The following RASA3 variants were observed in gnomAD, a reference collection of about 807,000 sequenced individuals.
The protein encoded by RASA3 is ras GTPase-activating protein 3.
RASA3 carries 73 observed loss-of-function variants against 110.0 expected under a neutral mutation model. That is an observed-to-expected ratio of 0.66 (90% CI 0.55 to 0.81). RASA3 has a LOEUF of 0.81. Among genes scored for constraint, RASA3 ranks in the 30% least tolerant of loss-of-function variants. The pLI is 0.00. For missense variants in RASA3, 976 were observed against 1,113.2 expected (o/e 0.88, Z 1.75); for synonymous variants, 500 against 451.4 (o/e 1.11, Z -1.37).
intron 1 of RASA3, among the ~76,000 whole-genome samples, chr13:114,117,312 G>A (rs1298854067): frequency 8.6e-6 from 1 of 116,638 alleles, no homozygotes; most frequent in African/African-American, 3.1e-5. Flanking sequence ...TGTGTGAGGG[G>A]TGCACGTGTG....
At chr13:114,051,601 A>C (rs2079147529) in intron 3 of RASA3, among the ~76,000 whole-genome samples, 1 of 152,058 alleles carries the variant, frequency 6.6e-6, no homozygotes, top group Non-Finnish European at 1.5e-5. Flanking sequence ...TGCCCCAAAA[A>C]CCAGGGGGAA....
At chr13:114,126,570 A>G (rs1455274156) in intron 1 of RASA3, among the ~76,000 whole-genome samples, 1 of 152,184 alleles carries the variant, frequency 6.6e-6, no homozygotes, top group East Asian at 1.9e-4. Flanking sequence ...AACCAAAAAC[A>G]AAAGCCACCT....
At chr13:114,041,846 G>A (rs1479062883) in intron 3 of RASA3, among the ~76,000 whole-genome samples, 1 of 152,158 alleles carries the variant, frequency 6.6e-6, no homozygotes, top group Non-Finnish European at 1.5e-5. Flanking sequence ...TGGGACCCCT[G>A]GAGAGCCTGA....
chr13:113,982,224 A>G (rs890653275), intron 22 of RASA3, among the ~76,000 whole-genome samples: 3 of 152,190 alleles, frequency 2.0e-5, no homozygotes, highest in African/African-American at 7.2e-5. Context: ...AGGAGGAGAG[A>G]CACCTGCAGC....
intron 4 of RASA3, among the ~76,000 whole-genome samples, chr13:114,039,124 C>T (rs2139451064): frequency 6.6e-6 from 1 of 152,356 alleles, no homozygotes; most frequent in East Asian, 1.9e-4. Flanking sequence ...GCCTGGCGGC[C>T]TGTGCTGGGA....
At chr13:114,094,035 T>A (rs2079916198) in intron 1 of RASA3, among the ~76,000 whole-genome samples, 1 of 152,184 alleles carries the variant, frequency 6.6e-6, no homozygotes, top group Non-Finnish European at 1.5e-5. Flanking sequence ...ATCTCCATCA[T>A]CATGTTAGGG....
At chr13:114,049,346 T>C (rs2139537020) in intron 3 of RASA3, among the ~76,000 whole-genome samples, 1 of 152,304 alleles carries the variant, frequency 6.6e-6, no homozygotes, top group East Asian at 1.9e-4. Flanking sequence ...CCCATTTTCA[T>C]AGCTGCGAAA....
chr13:114,039,646 A>G (rs1035580597), intron 4 of RASA3, among the ~76,000 whole-genome samples: 4 of 152,154 alleles, frequency 2.6e-5, no homozygotes, highest in Non-Finnish European at 5.9e-5. Flanking sequence ...GTGACCCCAC[A>G]GGAGCTGGTG....
chr13:114,071,804 A>G (rs1285209517), intron 2 of RASA3, among the ~76,000 whole-genome samples: 1 of 152,228 alleles, frequency 6.6e-6, no homozygotes, highest in Admixed American at 6.5e-5. Flanking sequence ...CAGTCTCTCC[A>G]GGGCAGGAGA....
intron 21 of RASA3, among the ~76,000 whole-genome samples, chr13:113,995,142 G>A (rs1188183826): frequency 6.6e-6 from 1 of 152,246 alleles, no homozygotes; most frequent in Non-Finnish European, 1.5e-5. Context: ...TTCTCATGGA[G>A]ATAAATGGCC....
chr13:114,107,348 G>A (rs879458278), intron 1 of RASA3, among the ~76,000 whole-genome samples: 19 of 144,020 alleles, frequency 1.3e-4, no homozygotes, highest in Non-Finnish European at 2.4e-4. Context: ...CCTGACCCTC[G>A]CGGGGGACGG....
At chr13:114,070,572 CA>C (rs2079553877) in intron 2 of RASA3, among the ~76,000 whole-genome samples, 1 of 152,216 alleles carries the variant, frequency 6.6e-6, no homozygotes, top group African/African-American at 2.4e-5. Context: ...CACAGCCCTC[CA>C]AATGGACAGG....
At chr13:114,013,399 T>TCCCTCTCTCTGTG in intron 14 of RASA3, 151 bp from the exon 15 acceptor site, 1 of 103,106 alleles carries the variant, frequency 9.7e-6, no homozygotes, top group Non-Finnish European at 1.6e-5. Flanking sequence ...CTCTCTCTGT[T>TCCCTCTCTCTGTG]TCCCTCTCTC....
intron 2 of RASA3, among the ~76,000 whole-genome samples, chr13:114,067,973 G>A (rs1351074856): frequency 6.6e-6 from 1 of 152,186 alleles, no homozygotes; most frequent in Non-Finnish European, 1.5e-5. Context: ...TTTTGTCTGC[G>A]TATCCAGATC....
intron 1 of RASA3, among the ~76,000 whole-genome samples, chr13:114,106,558 C>T (rs1007073582): frequency 2.0e-5 from 3 of 152,192 alleles, no homozygotes; most frequent in Non-Finnish European, 4.4e-5. Flanking sequence ...TAATTCGGAG[C>T]TTTGTAAATA....
intron 2 of RASA3, among the ~76,000 whole-genome samples, chr13:114,064,950 C>T (rs1490453043): frequency 6.6e-6 from 1 of 152,256 alleles, no homozygotes. Context: ...CACGCAGCAG[C>T]CTCTCCCTCT....
At chr13:114,028,676 G>A (rs1285321626) in intron 5 of RASA3, among the ~76,000 whole-genome samples, 17 of 103,422 alleles carry the variant, frequency 1.6e-4, no homozygotes, top group South Asian at 1.2e-3. Flanking sequence ...CTAAAACAGT[G>A]TCATCCTGGG....
chr13:114,023,348 C>T (rs1217308057), intron 8 of RASA3, among the ~76,000 whole-genome samples: 3 of 150,904 alleles, frequency 2.0e-5, no homozygotes, highest in Non-Finnish European at 4.4e-5. Context: ...ATCCCAGGCT[C>T]GGGGGCATCC....
At chr13:113,999,757 CCCAGGGGGTCTTTA>C in intron 19 of RASA3, 90 bp from the exon 20 acceptor site, 4 of 818,070 alleles carry the variant, frequency 4.9e-6, no homozygotes, top group Non-Finnish European at 7.5e-6. Flanking sequence ...CGGGGGGTCT[CCCAGGGGGTCTTTA>C]CCGGGGGGTC....
Sources: gnomAD v4.1 joint callset for allele counts (sites outside exome capture counted in the v4.1 genomes callset) on GRCh38, gnomAD v4.1.1 for gene constraint, MANE v1.5 for transcripts, NCBI Gene and HGNC (gene_info 2026-07-23, HGNC 2026-07-21) for gene names.